Variants in CYP4Z1 observed in about 807,000 individuals in gnomAD.
CYP4Z1 encodes the protein cytochrome P450 4Z1.
A neutral mutation model predicts 54.2 loss-of-function variants in CYP4Z1; 41 were observed. The observed-to-expected ratio is 0.76, with a 90% CI of 0.59 to 0.98. CYP4Z1 has a LOEUF of 0.98. Among genes scored for constraint, CYP4Z1 ranks in the 50% least tolerant of loss-of-function variants. The probability of loss-of-function intolerance (pLI) is 0.00; values close to 1 mark genes in which losing one functional copy is unlikely to be tolerated. For missense variants in CYP4Z1, 513 were observed against 599.0 expected, an observed-to-expected ratio of 0.86 and a Z score of 1.50; for synonymous variants, 163 against 206.2, an observed-to-expected ratio of 0.79 and a Z score of 1.79.
intron 9 of CYP4Z1, among the ~76,000 whole-genome samples, chr1:47,111,345 G>T (rs1644790990): frequency 6.6e-6 from 1 of 152,104 alleles, no homozygotes; most frequent in African/African-American, 2.4e-5. Context: ...CACCACGCCT[G>T]GCTAATTTTT....
At chr1:47,094,814 C>T (rs1453494111) in intron 7 of CYP4Z1, 145 bp downstream of exon 7, 1 of 564,480 alleles carries the variant, frequency 1.8e-6, no homozygotes, top group African/African-American at 2.0e-5. Flanking sequence ...TTGAGACAAG[C>T]CTGGCCAACA....
upstream of CYP4Z1, among the ~76,000 whole-genome samples, chr1:47,062,350 G>T (rs1384789709): frequency 6.6e-6 from 1 of 152,182 alleles, no homozygotes; most frequent in African/African-American, 2.4e-5. Flanking sequence ...ACAGACCTTT[G>T]AAGTAACTGG....
the CYP4Z1 span, among the ~76,000 whole-genome samples, chr1:47,061,780 T>C: frequency 2.0e-5 from 3 of 152,166 alleles, no homozygotes; most frequent in Non-Finnish European, 4.4e-5. Context: ...GCAAAAATCT[T>C]CAACAAAATA....
chr1:47,111,182 A>G (rs2148541782), intron 9 of CYP4Z1, among the ~76,000 whole-genome samples: 1 of 138,154 alleles, frequency 7.2e-6, no homozygotes, highest in African/African-American at 2.7e-5. Flanking sequence ...ATCAAGTTAC[A>G]CATCTGCAAT....
intron 6 of CYP4Z1, among the ~76,000 whole-genome samples, chr1:47,091,541 A>C (rs1644637923): frequency 6.7e-6 from 1 of 149,340 alleles, no homozygotes; most frequent in African/African-American, 2.5e-5. Flanking sequence ...TTCCTTGCTT[A>C]ATTCAAGTGC....
chr1:47,110,721 A>C (rs1351093221), intron 9 of CYP4Z1, among the ~76,000 whole-genome samples: 1 of 151,800 alleles, frequency 6.6e-6, no homozygotes, highest in Non-Finnish European at 1.5e-5. Context: ...AAAGAGAACA[A>C]GGCTTCTGGA....
At chr1:47,068,367 T>C (rs1327504413) in intron 1 of CYP4Z1, among the ~76,000 whole-genome samples, 1 of 152,106 alleles carries the variant, frequency 6.6e-6, no homozygotes, top group Non-Finnish European at 1.5e-5. Flanking sequence ...GATTTGAACT[T>C]AAATCTCCAA....
At chr1:47,096,224 C>T (rs1037935163) in intron 7 of CYP4Z1, among the ~76,000 whole-genome samples, 25 of 152,118 alleles carry the variant, frequency 1.6e-4, no homozygotes, top group African/African-American at 6.0e-4. Context: ...CTGAGACAAG[C>T]CTGGGCAACA....
intron 7 of CYP4Z1, chr1:47,096,601 A>C (rs1238632373): frequency 6.7e-6 from 1 of 148,984 alleles, no homozygotes; most frequent in Non-Finnish European, 1.5e-5. Context: ...CATCATCTAG[A>C]TATTATGCCC....
the CYP4Z1 span, among the ~76,000 whole-genome samples, chr1:47,057,335 A>AAAAAAAAAAAT: frequency 2.5e-3 from 72 of 28,444 alleles, no homozygotes; most frequent in Non-Finnish European, 4.0e-3. Flanking sequence ...AAGAAAAAAA[A>AAAAAAAAAAAT]ATATATATAT....
At chr1:47,106,091 A>G in intron 8 of CYP4Z1, 37 bp from the exon 9 acceptor site, 2 of 1,595,152 alleles carry the variant, frequency 1.3e-6, no homozygotes, top group Non-Finnish European at 1.7e-6. Context: ...CTAAGTGACT[A>G]CTCCTCCTTT....
At chr1:47,104,801 T>A (rs543995604) in intron 8 of CYP4Z1, among the ~76,000 whole-genome samples, 2 of 152,140 alleles carry the variant, frequency 1.3e-5, no homozygotes, top group East Asian at 3.9e-4. Context: ...TGTATGCAGG[T>A]GCTGGCTATG....
chr1:47,084,184 C>T (rs568284542), intron 4 of CYP4Z1, among the ~76,000 whole-genome samples: 3 of 152,248 alleles, frequency 2.0e-5, no homozygotes, highest in Non-Finnish European at 2.9e-5. Context: ...TCTAATTCCT[C>T]TCTAAATTCT....
the CYP4Z1 span, among the ~76,000 whole-genome samples, chr1:47,055,644 T>C: frequency 6.6e-5 from 10 of 152,342 alleles, no homozygotes; most frequent in African/African-American, 2.4e-4. Context: ...TGGTTTAGTC[T>C]TGGGAGGGTG....
Position 47,088,808 on chromosome 1 carries a change from G to T in CYP4Z1, c.772+3830G>T, listed in dbSNP as rs528311693. ...AATATTGTATTTTTTTTTTACTAGA[G>T]GCAGGGTTTCACCATTTTGTGCAGG... On this transcript the variant is annotated intron_variant, in intron 6 of 11. Coordinates refer to ENST00000334194, the MANE Select transcript of CYP4Z1 (RefSeq NM_178134.3). Among the ~76,000 whole-genome samples, 544 of 129,228 alleles carry T rather than the reference G, an allele frequency of 4.2e-3. 5 individuals carry two copies. Among genetic ancestry groups the T allele is most frequent in the African/African-American group, 0.016 (511 of 31,082 alleles). The allele number at this position is 129,228 out of a possible 152,430, so 84.8% of individuals were successfully genotyped here.
At chr1:47,077,571 C>T (rs372576534) in intron 2 of CYP4Z1, among the ~76,000 whole-genome samples, 3 of 151,972 alleles carry the variant, frequency 2.0e-5, no homozygotes, top group Non-Finnish European at 4.4e-5. Context: ...AAAATAATTA[C>T]TGATAAGGAA....
chr1:47,064,689 C>T (rs1005658259), upstream of CYP4Z1, among the ~76,000 whole-genome samples: 5 of 152,190 alleles, frequency 3.3e-5, no homozygotes, highest in South Asian at 4.2e-4. Flanking sequence ...TAGACTAGTA[C>T]CTCACATATC....
chr1:47,069,104 T>C (rs1285275109), intron 2 of CYP4Z1, among the ~76,000 whole-genome samples: 6 of 152,262 alleles, frequency 3.9e-5, no homozygotes, highest in Non-Finnish European at 8.8e-5. Flanking sequence ...TTGCTTACAA[T>C]TGGCTTAACG....
intron 8 of CYP4Z1, among the ~76,000 whole-genome samples, 191 bp from the exon 9 acceptor site, chr1:47,105,937 T>C (rs1320964447): frequency 6.6e-6 from 1 of 152,026 alleles, no homozygotes; most frequent in African/African-American, 2.4e-5. Context: ...GAGAATCACT[T>C]ACAGTTACAT....
Sources: allele counts gnomAD v4.1 joint callset (sites outside exome capture counted in the v4.1 genomes callset), GRCh38; gene constraint gnomAD v4.1.1; transcripts MANE v1.5; gene names NCBI Gene and HGNC (gene_info 2026-07-23, HGNC 2026-07-21).